The following STARD13 variants were observed in gnomAD, a reference collection of about 807,000 sequenced individuals.
STARD13 encodes the protein StAR related lipid transfer domain containing 13.
Under a neutral mutation model 106.4 loss-of-function variants are expected in STARD13, and 62 were observed. That is an observed-to-expected ratio of 0.58 (90% confidence interval 0.48 to 0.72). STARD13 has a LOEUF of 0.72. Ranked by LOEUF, STARD13 falls within the 30% of genes least tolerant of loss-of-function variation. The pLI, the probability that STARD13 is intolerant of heterozygous loss-of-function variation, is 0.00. For missense variants in STARD13, 1,387 were observed against 1,424.0 expected (o/e 0.97, Z 0.42); for synonymous variants, 565 against 553.0 (o/e 1.02, Z -0.31).
At chr13:33,669,485 A>C in the STARD13 span, among the ~76,000 whole-genome samples, 3 of 151,178 alleles carry the variant, frequency 2.0e-5, no homozygotes, top group Non-Finnish European at 1.5e-5. Flanking sequence ...CTCCATCTGG[A>C]ATCTTACCCA....
chr13:33,295,053 A>T (rs1892434789), intron 1 of STARD13, among the ~76,000 whole-genome samples: 1 of 152,126 alleles, frequency 6.6e-6, no homozygotes, highest in South Asian at 2.1e-4. Context: ...GGAATTGAGT[A>T]TGGCCCACGA....
rs951819247 is a variant in STARD13, at chr13:33,109,983, C to T, written c.2937G>A (p.Glu979=). The T allele has an allele frequency of 1.5e-5, 25 of 1,614,090 alleles. No individual in the cohort carries two copies. The highest frequency in any genetic ancestry group is 2.0e-5 in the Non-Finnish European group (24 of 1,180,054). Residue 979 remains glutamate (E), a synonymous_variant, in exon 12 of 14, where the codon GAG becomes GAA. Coordinates refer to ENST00000336934, the MANE Select transcript of STARD13 (RefSeq NM_178006.4). ...RVLRERHLWD[E]DFVQWKVVET... ...CCACAACCTTCCACTGCACAAAGTC[C>T]TCGTCCCACAGGTGGCGCTCTCTCA...
chr13:33,165,404 T>C lies in STARD13; in HGVS notation c.256A>G (p.Ile86Val), dbSNP rs1277600846. 1.9e-6 allele frequency: 3 copies of C among 1,613,446 alleles called. No individual in the cohort carries two copies. The highest frequency in any genetic ancestry group is 2.7e-5 in the African/African-American group (2 of 75,046). ...TCATTCTTGACAGCCACAATGTTGA[T>C]GGGAAATTGTGAATCTGAGAGAGAA... ...AQLYEDSQFP[I>V]NIVAVKNDHD... The change falls in exon 3 of 14, where the codon ATC becomes GTC. Residue 86 changes from isoleucine (I) to valine (V), a missense_variant. Coordinates refer to ENST00000336934, the MANE Select transcript of STARD13 (RefSeq NM_178006.4).
the STARD13 span, among the ~76,000 whole-genome samples, chr13:33,659,081 C>T: frequency 6.6e-6 from 1 of 152,078 alleles, no homozygotes; most frequent in African/African-American, 2.4e-5. Flanking sequence ...TTGTAATATC[C>T]TTTGTAATAA....
At chr13:33,642,404 G>T in the STARD13 span, among the ~76,000 whole-genome samples, 8 of 152,236 alleles carry the variant, frequency 5.3e-5, no homozygotes, top group Non-Finnish European at 1.0e-4. Flanking sequence ...GGTGGGCCTG[G>T]AGCAAAGCTC....
intron 12 of STARD13, among the ~76,000 whole-genome samples, chr13:33,109,055 T>A (rs879741304): frequency 3.3e-5 from 5 of 152,188 alleles, no homozygotes; most frequent in Non-Finnish European, 7.4e-5. Flanking sequence ...CAAAACTGGT[T>A]TCATAAAGAA....
the STARD13 span, among the ~76,000 whole-genome samples, chr13:33,357,469 A>G: frequency 5.9e-5 from 9 of 152,238 alleles, no homozygotes; most frequent in African/African-American, 2.2e-4. Flanking sequence ...CATCATTAAT[A>G]AGACCTTGCT....
chr13:33,105,522 A>G lies in STARD13; in HGVS notation c.*71T>C. The G allele has an allele frequency of 1.8e-6, 2 of 1,081,472 alleles. No homozygotes were observed. The highest frequency in any genetic ancestry group is 2.9e-6 in the Non-Finnish European group (2 of 697,252). The allele number at this position is 1,081,472 out of a possible 1,614,324, so 67.0% of individuals were successfully genotyped here. A position where few individuals can be genotyped will look rare whatever the true frequency, so the allele number is the denominator to read the frequency against. ...GTTCCTCTTTCTCTCGCTTTCTCAC[A>G]TGCACACTCTCTGCCACACTCGTCA... On this transcript the variant is annotated 3_prime_UTR_variant, in exon 14 of 14. Coordinates refer to ENST00000336934, the MANE Select transcript of STARD13 (RefSeq NM_178006.4).
At chr13:33,209,459 C>CT (rs59609576) in intron 1 of STARD13, among the ~76,000 whole-genome samples, 207 of 149,008 alleles carry the variant, frequency 1.4e-3, no homozygotes, top group African/African-American at 3.0e-3. Flanking sequence ...CTCTCTCTCT[C>CT]TTTTTTTTTT....
intron 1 of STARD13, among the ~76,000 whole-genome samples, chr13:33,173,759 TTATC>T (rs1267066958): frequency 2.0e-5 from 3 of 152,204 alleles, no homozygotes; most frequent in East Asian, 1.9e-4. Flanking sequence ...AACACCCACT[TTATC>T]TATCCATAAT....
At chr13:33,468,841 C>T in the STARD13 span, among the ~76,000 whole-genome samples, 49 of 152,308 alleles carry the variant, frequency 3.2e-4, 1 homozygote, top group Admixed American at 2.6e-4. Flanking sequence ...AGAGTGAGAG[C>T]AGAAAGTGAC....
At chr13:33,518,665 G>T in the STARD13 span, among the ~76,000 whole-genome samples, 1 of 152,014 alleles carries the variant, frequency 6.6e-6, no homozygotes, top group Non-Finnish European at 1.5e-5. Flanking sequence ...CTGAGTAGAG[G>T]CAAGTGGCAC....
chr13:33,417,735 G>A, the STARD13 span, among the ~76,000 whole-genome samples: 2 of 152,176 alleles, frequency 1.3e-5, no homozygotes, highest in African/African-American at 2.4e-5. Flanking sequence ...GAGACACAAA[G>A]TAGACTCATG....
the STARD13 span, among the ~76,000 whole-genome samples, chr13:33,390,792 G>A: frequency 6.6e-6 from 1 of 152,072 alleles, no homozygotes; most frequent in South Asian, 2.1e-4. Flanking sequence ...AGATGCAAGA[G>A]TTCTTTACAT....
chr13:33,385,119 G>A, the STARD13 span, among the ~76,000 whole-genome samples: 20 of 133,276 alleles, frequency 1.5e-4, no homozygotes, highest in African/African-American at 5.5e-4. Flanking sequence ...TTGGAAGAAA[G>A]GTTCGGAATA....
chr13:33,260,777 C>T (rs1403394558), intron 1 of STARD13, among the ~76,000 whole-genome samples: 1 of 152,194 alleles, frequency 6.6e-6, no homozygotes, highest in Non-Finnish European at 1.5e-5. Flanking sequence ...GACTTTGAAA[C>T]TCTCTGTAGT....
At chr13:33,570,222 G>A in the STARD13 span, among the ~76,000 whole-genome samples, 269 of 148,026 alleles carry the variant, frequency 1.8e-3, 26 homozygotes, top group African/African-American at 4.9e-3. Context: ...ATCTATGAAA[G>A]AGCACGGGGG....
the STARD13 span, among the ~76,000 whole-genome samples, chr13:33,434,603 A>T: frequency 6.6e-6 from 1 of 152,098 alleles, no homozygotes; most frequent in Admixed American, 6.5e-5. Flanking sequence ...ACGGATCTGT[A>T]TTCCTCTAGT....
At chr13:33,643,134 G>C in the STARD13 span, among the ~76,000 whole-genome samples, 1 of 150,632 alleles carries the variant, frequency 6.6e-6, no homozygotes, top group Non-Finnish European at 1.5e-5. Flanking sequence ...CCAGTGAAGT[G>C]AGTTGGGTAC....
Sources: gnomAD v4.1 joint callset for allele counts (sites outside exome capture counted in the v4.1 genomes callset) on GRCh38, gnomAD v4.1.1 for gene constraint, MANE v1.5 for transcripts, NCBI Gene and HGNC (gene_info 2026-07-23, HGNC 2026-07-21) for gene names.